ANKDD1A: variants seen among roughly 807,000 people sequenced by gnomAD.
The protein encoded by ANKDD1A is ankyrin repeat and death domain containing 1A, also known as ankyrin repeat and death domain-containing protein 1A.
ANKDD1A carries 59 observed loss-of-function variants against 63.5 expected under a neutral mutation model. That is an observed-to-expected ratio of 0.93 (90% CI 0.75 to 1.15). The LOEUF is 1.15. Ranked by LOEUF, ANKDD1A falls within the 50% of genes most tolerant of loss-of-function variation. ANKDD1A has a pLI of 0.00. For synonymous variants in ANKDD1A, 266 were observed against 263.9 expected (o/e 1.01, Z -0.08); for missense variants, 632 against 656.4 (o/e 0.96, Z 0.41).
At position 64,935,990 on chromosome 15, in the gene ANKDD1A, A is replaced by C. The variant is rs184842960; in HGVS notation, c.867+1756A>C. 3.5e-3 allele frequency among the ~76,000 whole-genome samples: 540 copies of C among 152,324 alleles called. 4 individuals are homozygous for C. The highest frequency in any genetic ancestry group is 0.012 in the African/African-American group (504 of 41,574). ...GCCTGGCTTTGTATGCTGGTACTAC[A>C]AACTGAATAATCCTGGGCAAGCTGC... On this transcript the variant is annotated intron_variant, in intron 9 of 14. Transcript: ENST00000319580.
chr15:64,917,511 G>A lies in ANKDD1A; in HGVS notation c.264G>A (p.Leu88=). 1 of 1,549,664 alleles carries A rather than the reference G, an allele frequency of 6.5e-7. No homozygotes were observed. The highest frequency in any genetic ancestry group is 8.7e-7 in the Non-Finnish European group (1 of 1,148,474). ...TAGGGGCCCTCACAGAGGCACGTCT[G>A]TGTGTACGTGTCTGTCTGTCTGTCT... ...DAVGALTEAR[L]CFGMNALLLS... The change falls in exon 3 of 15, where the codon CTG becomes CTA. Residue 88 remains leucine, a synonymous_variant. Transcript: ENST00000319580.
At chr15:64,940,198 T>C (rs1280472268) in intron 9 of ANKDD1A, among the ~76,000 whole-genome samples, 1 of 150,850 alleles carries the variant, frequency 6.6e-6, no homozygotes, top group African/African-American at 2.4e-5. Flanking sequence ...GAAGAGGATA[T>C]ACAGATGGCA....
At position 64,915,585 on chromosome 15, in the gene ANKDD1A, C is replaced by T. The variant is rs111932186; in HGVS notation, c.35-212C>T. ...TCAGGGTTTCACCACGTCCTGGTTG[C>T]GTGGCTGTGGGGTGAGTTAATGAGG... is the stretch of plus-strand genomic sequence containing the variant. On this transcript the variant is annotated intron_variant, in intron 1 of 14. Transcript: ENST00000319580. 5.8e-3 allele frequency among the ~76,000 whole-genome samples: 890 copies of T among 152,272 alleles called. 10 individuals carry two copies. Among genetic ancestry groups the T allele is most frequent in the African/African-American group, 0.02 (827 of 41,554 alleles).
chr15:64,954,378 TC>T (rs2085383681), intron 14 of ANKDD1A, among the ~76,000 whole-genome samples: 34 of 12,238 alleles, frequency 2.8e-3, no homozygotes, highest in Admixed American at 4.9e-3. Flanking sequence ...TTCTTCCTTT[TC>T]TTTTCTTCTT....
intron 12 of ANKDD1A, among the ~76,000 whole-genome samples, chr15:64,946,116 AATGTTGGGTCCC>A (rs1285944851): frequency 6.6e-6 from 1 of 152,192 alleles, no homozygotes; most frequent in African/African-American, 2.4e-5. Context: ...TCTTTTGAGT[AATGTTGGGTCCC>A]ATGTTTAAAC....
intron 1 of ANKDD1A, among the ~76,000 whole-genome samples, chr15:64,913,035 G>A (rs2084943293): frequency 6.6e-6 from 1 of 152,292 alleles, no homozygotes; most frequent in Non-Finnish European, 1.5e-5. Context: ...GAGGTGGATG[G>A]AAGAGATGAG....
At chr15:64,950,270 A>AT (rs1054729785) in intron 14 of ANKDD1A, 45 of 984,838 alleles carry the variant, frequency 4.6e-5, no homozygotes, top group South Asian at 1.9e-4. Context: ...ATACCTTGAC[A>AT]TTTTTTTTCC....
chr15:64,954,296 TTTTCTTC>T, intron 14 of ANKDD1A, among the ~76,000 whole-genome samples: 1 of 24,710 alleles, frequency 4.0e-5, no homozygotes, highest in Non-Finnish European at 2.5e-4. Flanking sequence ...TTAGTTCTCC[TTTTCTTC>T]TCCTTCTCTT....
At chr15:64,948,574 C>T (rs1482617474) in intron 13 of ANKDD1A, among the ~76,000 whole-genome samples, 1 of 152,136 alleles carries the variant, frequency 6.6e-6, no homozygotes, top group Admixed American at 6.5e-5. Flanking sequence ...CCTGTAATCT[C>T]AGCACTTTGG....
rs1489339678 is a variant in ANKDD1A at position 64,953,757 on chromosome 15, G to A, written c.1484-3346G>A. ...CTCCTTCTTCTTTCCTCTTTTCTTC[G>A]TTCTTCTTCCTCTTCCCTCTTTTCT... On this transcript the variant is annotated intron_variant, in intron 14 of 14. Transcript: ENST00000319580. 1.0e-3 allele frequency among the ~76,000 whole-genome samples: 91 copies of A among 90,072 alleles called. 1 individual carries two copies. Among genetic ancestry groups the A allele is most frequent in the Middle Eastern group, 8.8e-3 (1 of 114 alleles). 59.1% of individuals were successfully genotyped at this position (90,072 alleles called of 152,430 possible).
chr15:64,950,671 T>G (rs1437483931), intron 14 of ANKDD1A: 2 of 984,040 alleles, frequency 2.0e-6, no homozygotes, highest in African/African-American at 3.5e-5. Context: ...CTGACATATT[T>G]CTAGTATATT....
In ANKDD1A at chr15:64,922,097, C is replaced by T. The variant is rs1595847400; in HGVS notation, c.366+78C>T. 3.7e-6 allele frequency: 5 copies of T among 1,357,606 alleles called. No individual in the cohort carries two copies. The East Asian group carries it at 9.8e-5, about 27-fold the overall frequency. 84.1% of individuals were successfully genotyped at this position (1,357,606 alleles called of 1,614,324 possible). A position where few individuals can be genotyped will look rare whatever the true frequency, so the allele number is the denominator to read the frequency against. Reference sequence around the variant, plus strand: ...CACAGGTCTCCCCCGACCTCTGTCCCCCACCCCTGCTTGCCCCTCCAGCCC... The same window carrying T: ...CACAGGTCTCCCCCGACCTCTGTCCTCCACCCCTGCTTGCCCCTCCAGCCC... On this transcript the variant is annotated intron_variant, in intron 4 of 14. Transcript: ENST00000319580.
At chr15:64,929,237 A>C (rs12914118) in intron 6 of ANKDD1A, among the ~76,000 whole-genome samples, 1 of 152,068 alleles carries the variant, frequency 6.6e-6, no homozygotes. Flanking sequence ...GTAGTGGCGT[A>C]ATCACAGCTC....
chr15:64,954,134 CTCTTTCTTCTTGTTCCTTATTATTCT>C (rs2085375517), intron 14 of ANKDD1A, among the ~76,000 whole-genome samples: 3 of 120,904 alleles, frequency 2.5e-5, no homozygotes, highest in Admixed American at 9.2e-5. Context: ...TTTCTTCTTC[CTCTTTCTTCTTGTTCCTTATTATTCT>C]TTCTTCTTTC....
intron 9 of ANKDD1A, among the ~76,000 whole-genome samples, chr15:64,940,958 A>C (rs766852713): frequency 5.0e-4 from 76 of 151,910 alleles, no homozygotes; most frequent in Non-Finnish European, 4.1e-4. Flanking sequence ...GTCCAGGCTG[A>C]TCTCGAACTC....
At chr15:64,956,132 C>T (rs904933047) in intron 14 of ANKDD1A, among the ~76,000 whole-genome samples, 2 of 151,972 alleles carry the variant, frequency 1.3e-5, no homozygotes, top group Non-Finnish European at 2.9e-5. Context: ...TACATTAAAC[C>T]GAAGGAAATT....
At position 64,926,202 on chromosome 15, in the gene ANKDD1A, C is replaced by G. The variant is rs367970090; in HGVS notation, c.471+32C>G. 5.9e-4 allele frequency: 941 copies of G among 1,603,416 alleles called. 3 individuals are homozygous for G. In the South Asian group the frequency reaches 9.9e-3, roughly 17 times the overall value. Reference sequence around the variant, plus strand: ...GTGCCTCAGGGCTACTCATCATTCCCATTGGGCGGGGGGCTCCTGGGGCCA... The same window carrying G: ...GTGCCTCAGGGCTACTCATCATTCCGATTGGGCGGGGGGCTCCTGGGGCCA... On this transcript the variant is annotated intron_variant, in intron 5 of 14. Transcript: ENST00000319580.
intron 4 of ANKDD1A, among the ~76,000 whole-genome samples, chr15:64,924,795 G>T (rs1456899626): frequency 1.3e-5 from 2 of 152,080 alleles, no homozygotes; most frequent in Non-Finnish European, 2.9e-5. Context: ...GTATTTTGTG[G>T]AATGTCCTTA....
Position 64,942,584 on chromosome 15 carries a change from C to T in ANKDD1A, c.966+19C>T, listed in dbSNP as rs775981349. The T allele has an allele frequency of 6.2e-7, 1 of 1,601,340 alleles. No homozygotes were observed. The highest frequency in any genetic ancestry group is 8.5e-7 in the Non-Finnish European group (1 of 1,172,658). On this transcript the variant is annotated intron_variant, in intron 10 of 14. Transcript: ENST00000319580. The stretch of plus-strand genomic sequence containing the variant: ...GGACAATGTAAGTGGCTACAGAGAC[C>T]TTCCGGGCCCCAGGGAGCTTCTGGA...
Sources: gnomAD v4.1 joint callset for allele counts (sites outside exome capture counted in the v4.1 genomes callset) on GRCh38, gnomAD v4.1.1 for gene constraint, MANE v1.5 for transcripts, NCBI Gene and HGNC (gene_info 2026-07-23, HGNC 2026-07-21) for gene names.